PRDM5: variants seen among roughly 807,000 people sequenced by gnomAD.
The protein encoded by PRDM5 is PR/SET domain 5, also known as PR domain zinc finger protein 5.
Under a neutral mutation model 81.2 loss-of-function variants are expected in PRDM5, and 56 were observed. That is an observed-to-expected ratio of 0.69 (90% CI 0.56 to 0.86). The LOEUF is 0.86. Among genes scored for constraint, PRDM5 ranks in the 40% least tolerant of loss-of-function variants. The pLI is 0.00. For missense variants in PRDM5, 697 were observed against 770.1 expected (o/e 0.91, Z 1.12); for synonymous variants, 267 against 256.4 (o/e 1.04, Z -0.39).
chr4:120,828,592 G>A (rs905021818), intron 3 of PRDM5, among the ~76,000 whole-genome samples: 3 of 152,002 alleles, frequency 2.0e-5, no homozygotes, highest in Admixed American at 6.6e-5. Context: ...ATAATCCAAT[G>A]CATTTATGGG....
chr4:120,729,743 G>A (rs1161421569), intron 14 of PRDM5, among the ~76,000 whole-genome samples: 1 of 152,174 alleles, frequency 6.6e-6, no homozygotes, highest in African/African-American at 2.4e-5. Flanking sequence ...CTTCCTGGTG[G>A]CTTTCAAAGT....
At chr4:120,712,052 A>G (rs1737067763) in intron 14 of PRDM5, among the ~76,000 whole-genome samples, 2 of 151,996 alleles carry the variant, frequency 1.3e-5, no homozygotes, top group Admixed American at 6.5e-5. Context: ...TTGGGAGGCC[A>G]AGGCGGACGA....
At chr4:120,745,970 T>G (rs1357438663) in intron 14 of PRDM5, among the ~76,000 whole-genome samples, 2 of 150,370 alleles carry the variant, frequency 1.3e-5, no homozygotes, top group Non-Finnish European at 3.0e-5. Flanking sequence ...AGCCCGCATT[T>G]CCAAGTCAAT....
rs562022915 is a variant in PRDM5 at position 120,821,226 on chromosome 4, G to T, written c.420C>A (p.Val140=). The T allele has an allele frequency of 6.2e-7, 1 of 1,613,990 alleles. No individual in the cohort carries two copies. The highest frequency in any genetic ancestry group is 1.1e-5 in the South Asian group (1 of 91,074). The part of the protein sequence containing the change: ...AEEEEQQIMT[V]IKEGEVENSR... ...AATTTTCAACTTCCCCTTCTTTGAT[G>T]ACTGTCATAATTTGCTGTTCTTCCT... Residue 140 remains valine (V), a synonymous_variant, in exon 4 of 16, where the codon GTC becomes GTA. Transcript: ENST00000264808.
At chr4:120,726,810 G>C (rs1739483611) in intron 14 of PRDM5, among the ~76,000 whole-genome samples, 1 of 152,162 alleles carries the variant, frequency 6.6e-6, no homozygotes, top group Non-Finnish European at 1.5e-5. Flanking sequence ...AGAAGCCTCT[G>C]GGGCTTTGAG....
chr4:120,745,962 C>T (rs1269616676), intron 14 of PRDM5, among the ~76,000 whole-genome samples: 4 of 150,566 alleles, frequency 2.7e-5, no homozygotes, highest in African/African-American at 7.4e-5. Flanking sequence ...CAAAAAAGAG[C>T]CCGCATTTCC....
At chr4:120,791,672 C>A (rs1464806438) in intron 10 of PRDM5, among the ~76,000 whole-genome samples, 2 of 152,178 alleles carry the variant, frequency 1.3e-5, no homozygotes, top group Non-Finnish European at 2.9e-5. Flanking sequence ...GACCCTCACC[C>A]CCTGGCTCTG....
At chr4:120,864,966 G>A (rs1761039109) in intron 2 of PRDM5, among the ~76,000 whole-genome samples, 1 of 152,170 alleles carries the variant, frequency 6.6e-6, no homozygotes, top group African/African-American at 2.4e-5. Context: ...CCCTGCTACA[G>A]ACACAGCTGT....
chr4:120,907,335 A>G, intron 2 of PRDM5, 139 bp downstream of exon 2: 1 of 155,628 alleles, frequency 6.4e-6, no homozygotes. Flanking sequence ...TCTCCATCTC[A>G]AAAAAAAAAA....
At chr4:120,826,455 T>G (rs1413011635) in intron 3 of PRDM5, among the ~76,000 whole-genome samples, 1 of 152,130 alleles carries the variant, frequency 6.6e-6, no homozygotes, top group Non-Finnish European at 1.5e-5. Flanking sequence ...ACTTCTGTGG[T>G]TTTTGTCACT....
At chr4:120,760,417 T>C (rs766715356) in intron 13 of PRDM5, among the ~76,000 whole-genome samples, 15 of 152,188 alleles carry the variant, frequency 9.9e-5, no homozygotes, top group Non-Finnish European at 1.6e-4. Context: ...AGAAGGGAAA[T>C]ACTATATTGG....
In PRDM5 at chr4:120,780,963, G is replaced by A. The variant is rs148357483; in HGVS notation, c.1443+180C>T. On this transcript the variant is annotated intron_variant, in intron 12 of 15. Coordinates refer to ENST00000264808, the MANE Select transcript of PRDM5 (RefSeq NM_018699.4). ...GGTTCTCATTCATGGAAAAAAATAG[G>A]TCTATCCTGAAAGATGAAGAAAGTG... Among the ~76,000 whole-genome samples the A allele has an allele frequency of 1.2e-4, 18 of 152,156 alleles. No homozygotes were observed. The East Asian group carries it at 2.7e-3, about 23-fold the overall frequency.
At chr4:120,705,186 T>C (rs190805140) in intron 15 of PRDM5, among the ~76,000 whole-genome samples, 2 of 152,310 alleles carry the variant, frequency 1.3e-5, no homozygotes, top group Admixed American at 1.3e-4. Context: ...AAAGCAGTAG[T>C]TATCAATTAA....
At chr4:120,845,917 C>G (rs1028556722) in intron 3 of PRDM5, among the ~76,000 whole-genome samples, 1 of 152,182 alleles carries the variant, frequency 6.6e-6, no homozygotes, top group Non-Finnish European at 1.5e-5. Context: ...TCATGGATGA[C>G]TTTGAGGTGT....
At chr4:120,845,899 TC>T (rs1758602493) in intron 3 of PRDM5, among the ~76,000 whole-genome samples, 1 of 152,288 alleles carries the variant, frequency 6.6e-6, no homozygotes, top group African/African-American at 2.4e-5. Flanking sequence ...AGAAGTCAAT[TC>T]CAACCCTCAT....
intron 14 of PRDM5, among the ~76,000 whole-genome samples, chr4:120,719,489 G>A (rs945577241): frequency 1.3e-5 from 2 of 152,126 alleles, no homozygotes; most frequent in Non-Finnish European, 2.9e-5. Flanking sequence ...ACTGGTCTGC[G>A]AGCCACACTT....
intron 3 of PRDM5, among the ~76,000 whole-genome samples, chr4:120,823,458 C>A (rs1236583724): frequency 6.6e-6 from 1 of 152,132 alleles, no homozygotes; most frequent in South Asian, 2.1e-4. Flanking sequence ...GGTATTACTT[C>A]AATCTATTTA....
chr4:120,912,329 C>T (rs1766614272), intron 1 of PRDM5, among the ~76,000 whole-genome samples: 1 of 152,124 alleles, frequency 6.6e-6, no homozygotes, highest in South Asian at 2.1e-4. Flanking sequence ...ACCAGCATCA[C>T]TCCATAATGT....
intron 14 of PRDM5, among the ~76,000 whole-genome samples, chr4:120,742,628 GA>G (rs1742227266): frequency 1.3e-5 from 2 of 152,176 alleles, no homozygotes; most frequent in Non-Finnish European, 2.9e-5. Flanking sequence ...ACTACGTGAA[GA>G]ATGCAAAAGC....
Sources: gnomAD v4.1 joint callset for allele counts (sites outside exome capture counted in the v4.1 genomes callset) on GRCh38, gnomAD v4.1.1 for gene constraint, MANE v1.5 for transcripts, NCBI Gene and HGNC (gene_info 2026-07-23, HGNC 2026-07-21) for gene names.